Variants in KLHL3 observed in about 807,000 individuals in gnomAD.
The protein encoded by KLHL3 is kelch-like protein 3.
Under a neutral mutation model 70.5 loss-of-function variants are expected in KLHL3, and 19 were observed. The observed-to-expected ratio is 0.27, with a 90% CI of 0.19 to 0.40. The LOEUF (loss-of-function observed/expected upper bound fraction) is 0.40. Among genes scored for constraint, KLHL3 ranks in the 10% least tolerant of loss-of-function variants. The pLI is 1.00. For missense variants in KLHL3, 512 were observed against 771.1 expected (o/e 0.66, Z 3.98); for synonymous variants, 258 against 290.3 (o/e 0.89, Z 1.13).
In KLHL3 at chr5:137,709,726, G is replaced by A. The variant is rs1752756722; in HGVS notation, c.241+24C>T. 1.9e-6 allele frequency: 3 copies of A among 1,570,004 alleles called. No homozygotes were observed. The East Asian group carries it at 6.7e-5, about 35-fold the overall frequency. On this transcript the variant is annotated intron_variant, in intron 3 of 14. Transcript: ENST00000309755. ...TGGGGCTGCAGCCCCATAACCATGGGTTAATGGTGGCCACTCACCATACCT... is the reference window on the plus strand; with the variant it reads ...TGGGGCTGCAGCCCCATAACCATGGATTAATGGTGGCCACTCACCATACCT...
chr5:137,653,014 A>C (rs1561591788), intron 8 of KLHL3: 1 of 151,820 alleles, frequency 6.6e-6, no homozygotes, highest in Non-Finnish European at 1.5e-5. Flanking sequence ...AGGCTGAGGC[A>C]GGCGGATCAC....
chr5:137,671,621 T>G (rs1751761611), intron 6 of KLHL3: 1 of 152,176 alleles, frequency 6.6e-6, no homozygotes, highest in African/African-American at 2.4e-5. Flanking sequence ...GTCTGCAAAA[T>G]GAAGACAATA....
intron 3 of KLHL3, among the ~76,000 whole-genome samples, chr5:137,705,790 G>A (rs1752673733): frequency 6.6e-6 from 1 of 152,204 alleles, no homozygotes; most frequent in South Asian, 2.1e-4. Flanking sequence ...CATGGTAAAG[G>A]GCATGATAAA....
Position 137,675,662 on chromosome 5 carries a change from A to G in KLHL3, c.636+1883T>C, listed in dbSNP as rs1751867580. On this transcript the variant is annotated intron_variant, in intron 6 of 14. Transcript: ENST00000309755. ...CCCAAGTGGTTTCCAGGGCACTATAATGCCTCTCCCTATTAACAATCCACC... is the reference window on the plus strand; with the variant it reads ...CCCAAGTGGTTTCCAGGGCACTATAGTGCCTCTCCCTATTAACAATCCACC... Among the ~76,000 whole-genome samples the G allele has an allele frequency of 2.0e-5, 3 of 152,114 alleles. No individual in the cohort carries two copies. The South Asian group carries it at 6.2e-4, about 32-fold the overall frequency.
At chr5:137,707,145 G>T (rs1409958058) in intron 3 of KLHL3, among the ~76,000 whole-genome samples, 1 of 152,148 alleles carries the variant, frequency 6.6e-6, no homozygotes, top group African/African-American at 2.4e-5. Context: ...ATCAAAAAAG[G>T]CTATTTAGGC....
Position 137,639,151 on chromosome 5 carries a change from C to T in KLHL3, c.1022-1G>A. On this transcript the variant is annotated splice_acceptor_variant, in intron 9 of 14. Transcript: ENST00000309755. LOFTEE classifies it high-confidence loss of function. This position sits in a 1 kb window ranked among gnomAD's most constrained non-coding sequence, Gnocchi z 5.0. ...ACGTGGCCAGCCATGAACACCACAC[C>T]TGAGGCACAGGAAACCAAGACATCA... 1 of 1,613,474 alleles carries T rather than the reference C, an allele frequency of 6.2e-7. No homozygotes were observed. Among genetic ancestry groups the T allele is most frequent in the Non-Finnish European group, 8.5e-7 (1 of 1,179,672 alleles).
intron 14 of KLHL3, among the ~76,000 whole-genome samples, chr5:137,624,153 A>G (rs1750393345): frequency 6.6e-6 from 1 of 152,206 alleles, no homozygotes; most frequent in South Asian, 2.1e-4. Flanking sequence ...GTAAGGCCCC[A>G]ATAAATTTGT....
chr5:137,735,745 G>C lies in KLHL3; in HGVS notation c.-99C>G. The stretch of plus-strand genomic sequence containing the variant: ...CTCCCAGCAGACCAGTGGGAAATCT[G>C]ATCAGCAACAGTGATTCAGCATGGC... On this transcript the variant is annotated 5_prime_UTR_variant, in exon 1 of 15. The change creates a new upstream start codon in the 5' untranslated region. Coordinates refer to ENST00000309755, the MANE Select transcript of KLHL3 (RefSeq NM_017415.3). 1 of 1,521,158 alleles carries C rather than the reference G, an allele frequency of 6.6e-7. No individual in the cohort carries two copies. Among genetic ancestry groups the C allele is most frequent in the Non-Finnish European group, 9.1e-7 (1 of 1,095,710 alleles). 94.2% of individuals were successfully genotyped at this position (1,521,158 alleles called of 1,614,324 possible).
chr5:137,701,490 G>A (rs1035271651), intron 3 of KLHL3, among the ~76,000 whole-genome samples: 1 of 152,108 alleles, frequency 6.6e-6, no homozygotes, highest in Admixed American at 6.5e-5. Flanking sequence ...CTTAATAAAA[G>A]TATTCCCAAA....
At chr5:137,703,216 T>A (rs116715608) in intron 3 of KLHL3, among the ~76,000 whole-genome samples, 1,748 of 152,312 alleles carry the variant, frequency 0.011, 33 homozygotes, top group African/African-American at 0.04. Flanking sequence ...ACAGAATACC[T>A]TCTTGCTCCT....
chr5:137,700,701 A>G (rs532282056), intron 3 of KLHL3, among the ~76,000 whole-genome samples: 14 of 152,300 alleles, frequency 9.2e-5, no homozygotes, highest in Non-Finnish European at 1.5e-4. Context: ...TCAAATTTCT[A>G]ATTTTCTATA....
chr5:137,714,515 T>C (rs1253591667), intron 2 of KLHL3, among the ~76,000 whole-genome samples: 1 of 152,214 alleles, frequency 6.6e-6, no homozygotes, highest in Non-Finnish European at 1.5e-5. Flanking sequence ...AAATGCATTA[T>C]GCTAAATGAA....
At position 137,736,080 on chromosome 5, in the gene KLHL3, T is replaced by G; in HGVS notation, c.-434A>C. 3.3e-6 allele frequency: 1 copy of G among 300,704 alleles called. No individual in the cohort carries two copies. The highest frequency in any genetic ancestry group is 3.4e-5 in the South Asian group (1 of 29,224). 18.6% of individuals were successfully genotyped at this position (300,704 alleles called of 1,614,324 possible). A position where few individuals can be genotyped will look rare whatever the true frequency, so the allele number is the denominator to read the frequency against. On this transcript the variant is annotated 5_prime_UTR_variant, in exon 1 of 15. Transcript: ENST00000309755. ...GGGCTCCTGCCTCCTCTGTCTAGGC[T>G]GCAAAGAATCAGGCAGTTCGTCACT...
rs1751918952 is a variant in KLHL3, at chr5:137,677,674, A to G, written c.527-20T>C. ...GCTGCTCTGTTCCAAAAAAAAAAAA[A>G]AGAAGTTAAGAAAACAAAGTTGTAA... is the stretch of plus-strand genomic sequence containing the variant. On this transcript the variant is annotated intron_variant, in intron 5 of 14. Transcript: ENST00000309755. 5.5e-6 allele frequency: 8 copies of G among 1,459,356 alleles called. No homozygotes were observed. Among genetic ancestry groups the G allele is most frequent in the South Asian group, 1.3e-5 (1 of 79,114 alleles). The allele number at this position is 1,459,356 out of a possible 1,614,324, so 90.4% of individuals were successfully genotyped here. A position where few individuals can be genotyped will look rare whatever the true frequency, so the allele number is the denominator to read the frequency against.
intron 10 of KLHL3, among the ~76,000 whole-genome samples, chr5:137,637,634 G>A (rs560877095): frequency 2.6e-5 from 4 of 152,344 alleles, no homozygotes; most frequent in Middle Eastern, 3.4e-3. Flanking sequence ...GACAAGGGGT[G>A]TGTCTGAAAT....
intron 5 of KLHL3, among the ~76,000 whole-genome samples, chr5:137,689,946 G>T (rs961598706): frequency 1.3e-5 from 2 of 152,222 alleles, no homozygotes; most frequent in Non-Finnish European, 2.9e-5. Context: ...GAAGGAGAGG[G>T]CTGGTAAGAG....
intron 3 of KLHL3, among the ~76,000 whole-genome samples, chr5:137,700,709 A>G (rs1428597240): frequency 6.6e-6 from 1 of 152,188 alleles, no homozygotes; most frequent in Non-Finnish European, 1.5e-5. Flanking sequence ...CTAATTTTCT[A>G]TATTAAGTAC....
chr5:137,665,856 GAAGGGGA>G (rs1751600735), intron 6 of KLHL3, among the ~76,000 whole-genome samples: 1 of 152,164 alleles, frequency 6.6e-6, no homozygotes, highest in South Asian at 2.1e-4. Flanking sequence ...AAAGGAAAGG[GAAGGGGA>G]AAGGGGAAGG....
chr5:137,625,600 T>A (rs190750441), intron 14 of KLHL3, among the ~76,000 whole-genome samples, 153 bp downstream of exon 14: 1 of 152,284 alleles, frequency 6.6e-6, no homozygotes, highest in East Asian at 1.9e-4. Flanking sequence ...GAAGGAGTGG[T>A]GGCCATGTAA....
Sources: gnomAD v4.1 joint callset for allele counts (sites outside exome capture counted in the v4.1 genomes callset) on GRCh38, gnomAD v4.1.1 for gene constraint, Gnocchi (gnomAD v3.1) non-coding constraint, MANE v1.5 for transcripts, NCBI Gene and HGNC (gene_info 2026-07-23, HGNC 2026-07-21) for gene names.